Variants in CTDP1 observed in about 807,000 individuals in gnomAD.
CTDP1 encodes the protein CTD phosphatase 1, also known as RNA polymerase II subunit A C-terminal domain phosphatase.
Under a neutral mutation model 91.8 loss-of-function variants are expected in CTDP1, and 47 were observed. That is an observed-to-expected ratio of 0.51 (90% CI 0.41 to 0.65). The LOEUF is 0.65. Among genes scored for constraint, CTDP1 ranks in the 30% least tolerant of loss-of-function variants. CTDP1 has a pLI of 0.00. For synonymous variants in CTDP1, 656 were observed against 598.5 expected (o/e 1.10, Z -1.40); for missense variants, 1,272 against 1,373.7 (o/e 0.93, Z 1.17).
chr18:79,741,588 G>A (rs2086779043), intron 12 of CTDP1, among the ~76,000 whole-genome samples: 2 of 152,310 alleles, frequency 1.3e-5, no homozygotes, highest in East Asian at 3.9e-4. Context: ...CTGGTGCAGT[G>A]ATAAACAGGA....
chr18:79,697,274 A>G (rs1698059704), intron 3 of CTDP1, among the ~76,000 whole-genome samples: 1 of 152,188 alleles, frequency 6.6e-6, no homozygotes, highest in African/African-American at 2.4e-5. Context: ...ACAGTGAGAA[A>G]GGCAGCGTGG....
chr18:79,715,398 G>T lies in CTDP1; in HGVS notation c.1938G>T (p.Pro646=), dbSNP rs765183908. ...DVAIIFSGLH[P]TNFPIEKTRE... is the part of the protein sequence containing the mutation. The stretch of plus-strand genomic sequence containing the variant: ...CCATAATTTTCAGTGGGCTACACCC[G>T]ACAAACTTCCCGATAGAGAAGACGC... Residue 646 remains proline, a synonymous_variant, in exon 8 of 13, where the codon CCG becomes CCT. Coordinates refer to ENST00000613122, the MANE Select transcript of CTDP1 (RefSeq NM_004715.5). 5 of 1,604,528 alleles carry T rather than the reference G, an allele frequency of 3.1e-6. No homozygotes were observed. The highest frequency in any genetic ancestry group is 3.4e-6 in the Non-Finnish European group (4 of 1,175,544).
At position 79,718,007 on chromosome 18, in the gene CTDP1, C is replaced by G. The variant is rs1332454473; in HGVS notation, c.2408C>G (p.Ser803Cys). Reference sequence around the variant, plus strand: ...TCCCTACCCATCCGCCAGGAGCCCTCTTCCTTCAGGTACGTGGCGGCCCAG... The same window carrying G: ...TCCCTACCCATCCGCCAGGAGCCCTGTTCCTTCAGGTACGTGGCGGCCCAG... ...SSSLPIRQEP[S>C]SFRAVPPPQP... is the part of the protein sequence containing the mutation. Residue 803 changes from serine (S) to cysteine (C), a missense_variant, in exon 10 of 13, where the codon TCT (serine) becomes TGT (cysteine). By Grantham distance (112) the Ser-to-Cys change is moderately radical. Coordinates refer to ENST00000613122, the MANE Select transcript of CTDP1 (RefSeq NM_004715.5). The G allele has an allele frequency of 6.2e-7, 1 of 1,613,260 alleles. No individual in the cohort carries two copies. The highest frequency in any genetic ancestry group is 8.5e-7 in the Non-Finnish European group (1 of 1,179,892).
rs60813535 is a variant in CTDP1 at position 79,702,054 on chromosome 18, G to A, written c.622-2713G>A. Among the ~76,000 whole-genome samples, 1,203 of 152,372 alleles carry A rather than the reference G, an allele frequency of 7.9e-3. 33 individuals are homozygous for A. The highest frequency in any genetic ancestry group is 0.059 in the East Asian group (309 of 5,194). Reference sequence around the variant, plus strand: ...GGATTTGGAAGATTCCATCAACTTAGTTGGTAAACCAGCGGCAGGGTCTAC... The same window carrying A: ...GGATTTGGAAGATTCCATCAACTTAATTGGTAAACCAGCGGCAGGGTCTAC... On this transcript the variant is annotated intron_variant, in intron 4 of 12. Coordinates refer to ENST00000613122, the MANE Select transcript of CTDP1 (RefSeq NM_004715.5).
At chr18:79,698,769 T>TC (rs149955339) in intron 4 of CTDP1, among the ~76,000 whole-genome samples, 20,486 of 152,182 alleles carry the variant, frequency 0.13, 1,640 homozygotes, top group Non-Finnish European at 0.19. Flanking sequence ...CCTTACCAGT[T>TC]CTAAAGGTTC....
At chr18:79,738,454 G>A (rs1295331985) in intron 12 of CTDP1, among the ~76,000 whole-genome samples, 2 of 152,212 alleles carry the variant, frequency 1.3e-5, no homozygotes, top group Non-Finnish European at 2.9e-5. Context: ...TGTGAAATGA[G>A]GTAGGAGCAG....
At chr18:79,720,548 GTGA>G (rs773816100) in intron 10 of CTDP1, among the ~76,000 whole-genome samples, 6 of 151,862 alleles carry the variant, frequency 4.0e-5, no homozygotes, top group African/African-American at 7.3e-5. Flanking sequence ...GCGCATTCTG[GTGA>G]TGATGTCACC....
chr18:79,707,136 T>A (rs1288455536), intron 5 of CTDP1, among the ~76,000 whole-genome samples: 1 of 152,208 alleles, frequency 6.6e-6, no homozygotes, highest in African/African-American at 2.4e-5. Context: ...CGGATCTGTT[T>A]AAATGCTTGG....
chr18:79,695,844 A>G lies in CTDP1; in HGVS notation c.399-133A>G. The G allele has an allele frequency of 3.9e-6, 3 of 772,584 alleles. No homozygotes were observed. The South Asian group carries it at 4.3e-5, about 11-fold the overall frequency. The allele number at this position is 772,584 out of a possible 1,614,324, so 47.9% of individuals were successfully genotyped here. On this transcript the variant is annotated intron_variant, in intron 2 of 12. Transcript: ENST00000613122. Reference sequence around the variant, plus strand: ...GGAGAATGTTTCCACGTTTGCCGACAGAATCAAGTCTGTGCTAAGATAGCA... The same window carrying G: ...GGAGAATGTTTCCACGTTTGCCGACGGAATCAAGTCTGTGCTAAGATAGCA...
At chr18:79,705,636 G>T (rs544624095) in intron 5 of CTDP1, among the ~76,000 whole-genome samples, 1 of 152,308 alleles carries the variant, frequency 6.6e-6, no homozygotes, top group African/African-American at 2.4e-5. Flanking sequence ...GGGCTGCCAC[G>T]GGACGGCGAC....
chr18:79,734,257 C>G (rs2086623711), intron 11 of CTDP1, among the ~76,000 whole-genome samples: 1 of 152,206 alleles, frequency 6.6e-6, no homozygotes, highest in Admixed American at 6.5e-5. Flanking sequence ...TGGACGTGAC[C>G]CCATCCTGAG....
chr18:79,726,835 TGGGGGTGAC>T (rs2086454840), intron 10 of CTDP1, among the ~76,000 whole-genome samples: 1 of 16,142 alleles, frequency 6.2e-5, no homozygotes, highest in Admixed American at 8.2e-4. Context: ...CTGTGGGGGA[TGGGGGTGAC>T]GCCATTGCTG....
chr18:79,697,782 T>C, intron 3 of CTDP1, 78 bp from the exon 4 acceptor site: 1 of 1,590,562 alleles, frequency 6.3e-7, no homozygotes. Flanking sequence ...TATAGTTTTG[T>C]GTTTCTCGAT....
intron 11 of CTDP1, among the ~76,000 whole-genome samples, chr18:79,730,145 A>C (rs1180793852): frequency 6.6e-6 from 1 of 152,170 alleles, no homozygotes; most frequent in Non-Finnish European, 1.5e-5. Context: ...AGGTGTGCTG[A>C]ATTTCTCTGC....
At chr18:79,717,779 G>A (rs528866268) in intron 9 of CTDP1, 31 bp from the exon 10 acceptor site, 16 of 1,613,678 alleles carry the variant, frequency 9.9e-6, no homozygotes, top group African/African-American at 5.3e-5. Flanking sequence ...CGGACGCCCC[G>A]CTCATGGCCC....
chr18:79,744,153 TC>T (rs1568218468), intron 12 of CTDP1, among the ~76,000 whole-genome samples: 1 of 152,204 alleles, frequency 6.6e-6, no homozygotes, highest in African/African-American at 2.4e-5. Context: ...GTTCCAGCTG[TC>T]CCACCTTTCC....
intron 12 of CTDP1, 148 bp downstream of exon 12, chr18:79,736,669 G>A (rs2086674255): frequency 1.3e-6 from 1 of 796,466 alleles, no homozygotes; most frequent in Non-Finnish European, 1.9e-6. Context: ...AGCAGCCCCT[G>A]GTGATGGCCA....
intron 12 of CTDP1, among the ~76,000 whole-genome samples, chr18:79,737,161 G>GC (rs1384013255): frequency 6.6e-6 from 1 of 152,222 alleles, no homozygotes; most frequent in Non-Finnish European, 1.5e-5. Context: ...GCGTTTGGCC[G>GC]CAACAGCGCA....
chr18:79,706,748 G>A (rs2085974875), intron 5 of CTDP1, among the ~76,000 whole-genome samples: 1 of 152,238 alleles, frequency 6.6e-6, no homozygotes, highest in Non-Finnish European at 1.5e-5. Flanking sequence ...CTAAAACCAG[G>A]ATTGTTCGGT....
Sources: allele counts gnomAD v4.1 joint callset (sites outside exome capture counted in the v4.1 genomes callset), GRCh38; gene constraint gnomAD v4.1.1; transcripts MANE v1.5; gene names NCBI Gene and HGNC (gene_info 2026-07-23, HGNC 2026-07-21).